ARHGEF33: variants seen among roughly 807,000 people sequenced by gnomAD.
ARHGEF33 encodes the protein DH and coiled-coil domain-containing protein ENSP00000381780.
Under a neutral mutation model 101.9 loss-of-function variants are expected in ARHGEF33, and 72 were observed. The observed-to-expected ratio is 0.71, with a 90% confidence interval of 0.58 to 0.86. The LOEUF (loss-of-function observed/expected upper bound fraction) is 0.86, where lower values mean the gene tolerates loss of function less well. ARHGEF33 is among the 40% of genes least tolerant of loss of function. The pLI is 0.00. For synonymous variants in ARHGEF33, 499 were observed against 442.5 expected, an observed-to-expected ratio of 1.13 and a Z score of -1.60; for missense variants, 1,169 against 1,111.3, an observed-to-expected ratio of 1.05 and a Z score of -0.74.
At position 38,959,944 on chromosome 2, in the gene ARHGEF33, G is replaced by T. The variant is rs781637667; in HGVS notation, c.1639G>T (p.Glu547Ter). The change falls in exon 16 of 18, where the codon GAG becomes TAG. Residue 547 changes from glutamate (E) to a stop codon, truncating the protein, a stop_gained. Coordinates refer to ENST00000409978, the MANE Select transcript of ARHGEF33 (RefSeq NM_001145451.5). LOFTEE classifies it high-confidence loss of function. The stretch of plus-strand genomic sequence containing the variant: ...CTGGGAGCTGGAGGGCAGGAAGCAC[G>T]AGCGGCCCGAGAGCCTTCTGGCACC... The part of the protein sequence containing the change: ...SDWELEGRKH[E>*]RPESLLAPTQ... 1 of 1,551,546 alleles carries T rather than the reference G, an allele frequency of 6.4e-7. No individual in the cohort carries two copies. The highest frequency in any genetic ancestry group is 8.7e-7 in the Non-Finnish European group (1 of 1,146,916).
intron 16 of ARHGEF33, among the ~76,000 whole-genome samples, chr2:38,962,250 G>A (rs1202418024): frequency 6.6e-6 from 1 of 152,188 alleles, no homozygotes; most frequent in Non-Finnish European, 1.5e-5. Flanking sequence ...GGAAATTATA[G>A]TGCCAATTCA....
Position 38,959,910 on chromosome 2 carries a change from G to A in ARHGEF33, c.1605G>A (p.Lys535=), listed in dbSNP as rs962750826. The A allele has an allele frequency of 6.4e-7, 1 of 1,551,938 alleles. No individual in the cohort carries two copies. Reference sequence around the variant, plus strand: ...TGATGGAGAGCATGCAGCCCGGGAAGCCCAGTGACTGGGAGCTGGAGGGCA... The same window carrying A: ...TGATGGAGAGCATGCAGCCCGGGAAACCCAGTGACTGGGAGCTGGAGGGCA... The part of the protein sequence containing the change: ...QSLMESMQPG[K]PSDWELEGRK... Residue 535 remains lysine (K), a synonymous_variant, in exon 16 of 18, where the codon AAG becomes AAA. Transcript: ENST00000409978.
At chr2:38,891,569 A>G (rs966628811) in intron 1 of ARHGEF33, among the ~76,000 whole-genome samples, 1 of 152,166 alleles carries the variant, frequency 6.6e-6, no homozygotes, top group Non-Finnish European at 1.5e-5. Flanking sequence ...CTGAAACCCT[A>G]TTCCTGGGAC....
intron 10 of ARHGEF33, among the ~76,000 whole-genome samples, chr2:38,949,263 A>C (rs1425879702): frequency 6.6e-6 from 1 of 152,206 alleles, no homozygotes; most frequent in Non-Finnish European, 1.5e-5. Flanking sequence ...GGAAATATTC[A>C]AGTAAGTTCA....
intron 11 of ARHGEF33, among the ~76,000 whole-genome samples, chr2:38,952,010 C>T (rs922084741): frequency 1.3e-5 from 2 of 152,120 alleles, no homozygotes; most frequent in Admixed American, 6.5e-5. Flanking sequence ...TGTTGTTCTA[C>T]AAGGAATAGC....
In ARHGEF33 at chr2:38,961,234, C is replaced by T. The variant is rs987756207; in HGVS notation, c.2343+586C>T. Among the ~76,000 whole-genome samples the T allele has an allele frequency of 2.6e-5, 4 of 152,306 alleles. No homozygotes were observed. The Middle Eastern group carries it at 0.01, about 389-fold the overall frequency. On this transcript the variant is annotated intron_variant, in intron 16 of 17. Transcript: ENST00000409978. ...TGCTGCAAAGCCAGCTTTATTTCTG[C>T]TTGCTTTTCTTTTGACTGGAAAAGA...
At chr2:38,930,994 A>G (rs927403840) in intron 6 of ARHGEF33, 115 bp from the exon 7 acceptor site, 18 of 771,874 alleles carry the variant, frequency 2.3e-5, no homozygotes, top group Non-Finnish European at 3.1e-5. Flanking sequence ...ATAGCAATTT[A>G]TATAGTTCAA....
intron 16 of ARHGEF33, among the ~76,000 whole-genome samples, chr2:38,963,136 G>A (rs1472929466): frequency 1.3e-5 from 2 of 152,084 alleles, no homozygotes; most frequent in African/African-American, 2.4e-5. Context: ...GCATGTATGT[G>A]CACGTCTGCA....
At chr2:38,927,807 T>C (rs1029656089) in intron 4 of ARHGEF33, among the ~76,000 whole-genome samples, 1 of 152,192 alleles carries the variant, frequency 6.6e-6, no homozygotes, top group African/African-American at 2.4e-5. Flanking sequence ...CTTGATAGAG[T>C]GTAAGATCAT....
chr2:38,922,411 C>T (rs1359201851), intron 4 of ARHGEF33, among the ~76,000 whole-genome samples: 1 of 152,062 alleles, frequency 6.6e-6, no homozygotes, highest in East Asian at 1.9e-4. Context: ...TTAGATTTGT[C>T]GAGTTTAAGT....
At chr2:38,957,934 C>T in intron 14 of ARHGEF33, 100 bp from the exon 15 acceptor site, 3 of 1,413,770 alleles carry the variant, frequency 2.1e-6, no homozygotes, top group East Asian at 2.5e-5. Flanking sequence ...TCACAGCAAA[C>T]TTTATCTGAG....
rs1668255580 is a variant in ARHGEF33 at position 38,975,419 on chromosome 2, T to C, written c.*1576T>C. The C allele has an allele frequency of 6.6e-6, 1 of 152,212 alleles. No individual in the cohort carries two copies. The allele number at this position is 152,212 out of a possible 1,614,324, so 9.4% of individuals were successfully genotyped here. A position where few individuals can be genotyped will look rare whatever the true frequency, so the allele number is the denominator to read the frequency against. On this transcript the variant is annotated 3_prime_UTR_variant, in exon 18 of 18. Coordinates refer to ENST00000409978, the MANE Select transcript of ARHGEF33 (RefSeq NM_001145451.5). ...CGTGGAAAGTGAAATACTACAGAAG[T>C]CACAATCTATTAAATAAAATGTTAA...
intron 1 of ARHGEF33, among the ~76,000 whole-genome samples, chr2:38,890,597 G>A (rs1440354535): frequency 6.6e-6 from 1 of 152,144 alleles, no homozygotes; most frequent in Non-Finnish European, 1.5e-5. Flanking sequence ...CTTAAACATT[G>A]TCTTAAGTGA....
chr2:38,971,177 TA>T (rs1668157524), intron 17 of ARHGEF33, among the ~76,000 whole-genome samples: 1 of 152,236 alleles, frequency 6.6e-6, no homozygotes, highest in Non-Finnish European at 1.5e-5. Context: ...TGGATTCAAC[TA>T]CCCCCATCCC....
chr2:38,947,204 G>C (rs1222646367), intron 10 of ARHGEF33, among the ~76,000 whole-genome samples: 1 of 152,154 alleles, frequency 6.6e-6, no homozygotes, highest in Non-Finnish European at 1.5e-5. Flanking sequence ...CAAGCCTGAG[G>C]TGGCCACATC....
intron 9 of ARHGEF33, among the ~76,000 whole-genome samples, chr2:38,942,106 T>C (rs1323643666): frequency 6.6e-6 from 1 of 151,778 alleles, no homozygotes; most frequent in Non-Finnish European, 1.5e-5. Flanking sequence ...ACCTCTTGGA[T>C]TGATTTCTCA....
chr2:38,921,436 C>A lies in ARHGEF33; in HGVS notation c.75+13C>A, dbSNP rs1387305771. ...GCAGATTTACCAGGTAAAGACAAAT[C>A]GATTGTTTCAAATGCTCCCATGTAT... On this transcript the variant is annotated intron_variant, in intron 4 of 17. Coordinates refer to ENST00000409978, the MANE Select transcript of ARHGEF33 (RefSeq NM_001145451.5). The A allele has an allele frequency of 7.2e-6, 11 of 1,518,544 alleles. No individual in the cohort carries two copies. The highest frequency in any genetic ancestry group is 1.4e-5 in the African/African-American group (1 of 72,502). 94.1% of individuals were successfully genotyped at this position (1,518,544 alleles called of 1,614,324 possible).
intron 2 of ARHGEF33, among the ~76,000 whole-genome samples, chr2:38,905,294 CAT>C (rs983812159): frequency 1.3e-5 from 2 of 151,962 alleles, no homozygotes; most frequent in African/African-American, 4.8e-5. Context: ...AACTGTTTAG[CAT>C]AATTTCAGTT....
At chr2:38,921,110 T>C (rs1666746570) in intron 3 of ARHGEF33, among the ~76,000 whole-genome samples, 1 of 152,132 alleles carries the variant, frequency 6.6e-6, no homozygotes. Context: ...CATCATTCAG[T>C]TTGGTTGAGA....
Sources: allele counts gnomAD v4.1 joint callset (sites outside exome capture counted in the v4.1 genomes callset), GRCh38; gene constraint gnomAD v4.1.1; transcripts MANE v1.5; gene names NCBI Gene and HGNC (gene_info 2026-07-23, HGNC 2026-07-21).